WDR7: variants seen among roughly 807,000 people sequenced by gnomAD.
WDR7 encodes WD repeat domain 7.
A neutral mutation model predicts 169.4 loss-of-function variants in WDR7; 46 were observed. That is an observed-to-expected ratio of 0.27 (90% CI 0.21 to 0.35). WDR7 has a LOEUF of 0.35. Among genes scored for constraint, WDR7 ranks in the 10% least tolerant of loss-of-function variants. The probability of loss-of-function intolerance (pLI) is 1.00; values close to 1 mark genes in which losing one functional copy is unlikely to be tolerated. For synonymous variants in WDR7, 612 were observed against 666.8 expected, an observed-to-expected ratio of 0.92 and a Z score of 1.27; for missense variants, 1,534 against 1,859.3, an observed-to-expected ratio of 0.83 and a Z score of 3.22.
Position 56,756,681 on chromosome 18 carries a change from A to G in WDR7, c.2088A>G (p.Glu696=). The change falls in exon 15 of 28, where the codon GAA becomes GAG. Residue 696 remains glutamate, a synonymous_variant. Transcript: ENST00000254442. ...PDIHVLFFDV[E]ALIIQLLTEE... ...TACATGTGCTATTCTTTGATGTGGA[A>G]GCGTTGATTATTCAACTCCTGACTG... The G allele has an allele frequency of 6.2e-7, 1 of 1,614,164 alleles. No individual in the cohort carries two copies.
At chr18:56,756,395 A>G (rs1212868629) in intron 14 of WDR7, among the ~76,000 whole-genome samples, 188 bp from the exon 15 acceptor site, 1 of 152,142 alleles carries the variant, frequency 6.6e-6, no homozygotes, top group Non-Finnish European at 1.5e-5. Context: ...AGTTCTTCTA[A>G]TTGTGTAAGC....
chr18:56,706,101 G>A (rs182502700), intron 12 of WDR7, among the ~76,000 whole-genome samples: 21 of 152,322 alleles, frequency 1.4e-4, no homozygotes, highest in African/African-American at 4.8e-4. Flanking sequence ...GCCTACTTAG[G>A]TAGGGAAGAA....
At chr18:56,886,386 T>G (rs961426960) in intron 21 of WDR7, among the ~76,000 whole-genome samples, 1 of 152,034 alleles carries the variant, frequency 6.6e-6, no homozygotes, top group African/African-American at 2.4e-5. Flanking sequence ...CTAAGTAAGA[T>G]CCATAAATGA....
rs141055152 is a variant in WDR7, at chr18:56,800,599, C to T, written c.3191-15432C>T. 3.9e-4 allele frequency among the ~76,000 whole-genome samples: 60 copies of T among 152,092 alleles called. 1 individual carries two copies. The highest frequency in any genetic ancestry group is 1.4e-3 in the African/African-American group (59 of 41,408). The stretch of plus-strand genomic sequence containing the variant: ...ATCTCCTTGGGGCCAAGATCCAGGA[C>T]CTTATATTTTGTCCCCAAAGACCCA... On this transcript the variant is annotated intron_variant, in intron 19 of 27. Transcript: ENST00000254442.
At chr18:56,895,125 A>T (rs1353092239) in intron 21 of WDR7, among the ~76,000 whole-genome samples, 3 of 151,972 alleles carry the variant, frequency 2.0e-5, no homozygotes, top group Non-Finnish European at 4.4e-5. Flanking sequence ...TTTAGCATGG[A>T]CATTTTAGCA....
chr18:57,023,423 A>G (rs373467477), intron 27 of WDR7, among the ~76,000 whole-genome samples: 41 of 152,334 alleles, frequency 2.7e-4, no homozygotes, highest in East Asian at 1.2e-3. Flanking sequence ...AATGAGAAAT[A>G]TTGGTTGGAT....
chr18:56,744,406 GTGATCC>G (rs1436280061), intron 14 of WDR7, among the ~76,000 whole-genome samples: 2 of 152,122 alleles, frequency 1.3e-5, no homozygotes, highest in Non-Finnish European at 2.9e-5. Context: ...GAGGAAGGGA[GTGATCC>G]TGAGTAGGGG....
intron 26 of WDR7, among the ~76,000 whole-genome samples, chr18:56,973,692 T>A (rs1449839217): frequency 6.6e-6 from 1 of 152,146 alleles, no homozygotes; most frequent in Non-Finnish European, 1.5e-5. Context: ...CTAAAACATA[T>A]GTAATGAGGA....
intron 20 of WDR7, among the ~76,000 whole-genome samples, chr18:56,847,098 T>A (rs1168344026): frequency 6.6e-6 from 1 of 152,146 alleles, no homozygotes; most frequent in South Asian, 2.1e-4. Flanking sequence ...TAAGTGGTTG[T>A]GACCAAAATA....
chr18:56,860,324 T>C (rs2045784759), intron 20 of WDR7, among the ~76,000 whole-genome samples: 1 of 152,226 alleles, frequency 6.6e-6, no homozygotes, highest in African/African-American at 2.4e-5. Flanking sequence ...ACATTTACTC[T>C]TGAAAGACTG....
intron 16 of WDR7, among the ~76,000 whole-genome samples, chr18:56,774,970 TA>T (rs1438039611): frequency 6.6e-6 from 1 of 152,082 alleles, no homozygotes; most frequent in Non-Finnish European, 1.5e-5. Flanking sequence ...TTTCTTTCCT[TA>T]AAAATAGTTA....
chr18:56,656,726 A>T (rs958500798), intron 1 of WDR7, among the ~76,000 whole-genome samples: 2 of 151,934 alleles, frequency 1.3e-5, no homozygotes, highest in African/African-American at 4.8e-5. Context: ...TGGCTCAGCT[A>T]TTTATGTATT....
At chr18:56,662,261 A>T (rs1161209742) in intron 1 of WDR7, among the ~76,000 whole-genome samples, 1 of 152,246 alleles carries the variant, frequency 6.6e-6, no homozygotes, top group Non-Finnish European at 1.5e-5. Flanking sequence ...TGTTGCTAGG[A>T]TAGAAATACG....
the WDR7 span, chr18:57,036,282 G>A: frequency 6.6e-6 from 1 of 152,252 alleles, no homozygotes; most frequent in African/African-American, 2.4e-5. Context: ...CCAGGTACTG[G>A]GTTGTCGGCA....
chr18:56,951,876 A>G (rs1473589982), intron 25 of WDR7, among the ~76,000 whole-genome samples: 1 of 152,222 alleles, frequency 6.6e-6, no homozygotes, highest in African/African-American at 2.4e-5. Context: ...ATTTGTTTAC[A>G]GTGAGTTATA....
chr18:56,961,819 G>A (rs977029084), intron 25 of WDR7, among the ~76,000 whole-genome samples: 8 of 152,116 alleles, frequency 5.3e-5, no homozygotes, highest in African/African-American at 1.7e-4. Context: ...CATTAGATAA[G>A]CTGGTAAACA....
At chr18:56,696,527 T>C (rs758924031) in intron 12 of WDR7, 65 bp downstream of exon 12, 1 of 1,297,120 alleles carries the variant, frequency 7.7e-7, no homozygotes, top group Non-Finnish European at 1.1e-6. Flanking sequence ...CTATCAGGAA[T>C]GTAAATGGAA....
chr18:56,934,613 G>A (rs542541945), intron 22 of WDR7, among the ~76,000 whole-genome samples: 2 of 152,202 alleles, frequency 1.3e-5, no homozygotes, highest in East Asian at 1.9e-4. Context: ...TTTAAGCAGT[G>A]TAACAGTCAC....
intron 21 of WDR7, among the ~76,000 whole-genome samples, chr18:56,907,474 A>T (rs1356013334): frequency 6.6e-6 from 1 of 152,176 alleles, no homozygotes; most frequent in East Asian, 1.9e-4. Context: ...AGTGTGGAGT[A>T]AACCATAATA....
Sources: allele counts gnomAD v4.1 joint callset (sites outside exome capture counted in the v4.1 genomes callset), GRCh38; gene constraint gnomAD v4.1.1; transcripts MANE v1.5; gene names NCBI Gene and HGNC (gene_info 2026-07-23, HGNC 2026-07-21).